The following SPOCK1 variants were observed in gnomAD, a reference collection of about 807,000 sequenced individuals.
SPOCK1 encodes the protein testican-1.
In SPOCK1, 23 loss-of-function variants were observed where a neutral mutation model predicts 55.3. That is an observed-to-expected ratio of 0.42 (90% confidence interval 0.30 to 0.59). The LOEUF is 0.59. SPOCK1 is among the 20% of genes least tolerant of loss of function. The pLI is 0.22. For missense variants in SPOCK1, 499 were observed against 552.5 expected (o/e 0.90, Z 0.97); for synonymous variants, 226 against 221.0 (o/e 1.02, Z -0.20).
intron 3 of SPOCK1, among the ~76,000 whole-genome samples, chr5:137,216,352 G>C (rs566859900): frequency 6.6e-6 from 1 of 152,302 alleles, no homozygotes; most frequent in East Asian, 1.9e-4. Context: ...TACTCACCCA[G>C]GGCAGCCATT....
At chr5:137,362,267 C>G (rs975728087) in intron 2 of SPOCK1, among the ~76,000 whole-genome samples, 1 of 151,068 alleles carries the variant, frequency 6.6e-6, no homozygotes, top group Non-Finnish European at 1.5e-5. Flanking sequence ...TAGATAATGA[C>G]AATAATTGTA....
chr5:137,193,963 G>C (rs1286807052), intron 3 of SPOCK1, among the ~76,000 whole-genome samples: 1 of 152,080 alleles, frequency 6.6e-6, no homozygotes, highest in Non-Finnish European at 1.5e-5. Flanking sequence ...GAGATGACGT[G>C]GCAATCATGT....
intron 3 of SPOCK1, among the ~76,000 whole-genome samples, chr5:137,189,724 T>C (rs1043933916): frequency 6.6e-6 from 1 of 152,202 alleles, no homozygotes; most frequent in African/African-American, 2.4e-5. Flanking sequence ...TTAAGAAATA[T>C]ATTTCATAAG....
chr5:137,309,734 C>G (rs1327250687), intron 2 of SPOCK1, among the ~76,000 whole-genome samples: 1 of 151,862 alleles, frequency 6.6e-6, no homozygotes, highest in Non-Finnish European at 1.5e-5. Flanking sequence ...TCGCTGAGCT[C>G]TAAGTTAAGG....
intron 2 of SPOCK1, among the ~76,000 whole-genome samples, chr5:137,373,732 T>C (rs1313765232): frequency 2.0e-5 from 3 of 152,126 alleles, no homozygotes; most frequent in African/African-American, 7.2e-5. Flanking sequence ...TCTCATCCCA[T>C]CCTTTCAGGA....
At chr5:137,164,080 C>T (rs950062442) in intron 3 of SPOCK1, among the ~76,000 whole-genome samples, 1 of 152,148 alleles carries the variant, frequency 6.6e-6, no homozygotes, top group South Asian at 2.1e-4. Context: ...TTGAGCACTA[C>T]CAGGCAAGAC....
Position 137,112,521 on chromosome 5 carries a change from G to T in SPOCK1, c.388C>A (p.Pro130Thr). Reference protein sequence around the residue: ...GNVAQKHWVGPSNLVKCKPCP... With the variant: ...GNVAQKHWVGTSNLVKCKPCP... ...GGCTTGCACTTGACCAAATTCGAAG[G>T]TCCAACCCAGTGTTTCTGGGCCACG... The change falls in exon 5 of 11, where the codon CCT becomes ACT. Residue 130 changes from proline (P) to threonine (T), a missense_variant. Pro to Thr is a conservative substitution (Grantham distance 38). Coordinates refer to ENST00000394945, the MANE Select transcript of SPOCK1 (RefSeq NM_004598.4). 6.2e-7 allele frequency: 1 copy of T among 1,613,702 alleles called. No homozygotes were observed. Among genetic ancestry groups the T allele is most frequent in the Non-Finnish European group, 8.5e-7 (1 of 1,179,988 alleles).
At chr5:137,322,926 A>C (rs1002974604) in intron 2 of SPOCK1, among the ~76,000 whole-genome samples, 2 of 152,192 alleles carry the variant, frequency 1.3e-5, no homozygotes, top group Admixed American at 6.5e-5. Context: ...ATAACGTGGT[A>C]AAAGGAATCA....
At chr5:137,222,129 C>T (rs879818945) in intron 3 of SPOCK1, among the ~76,000 whole-genome samples, 16 of 152,168 alleles carry the variant, frequency 1.1e-4, no homozygotes, top group African/African-American at 2.7e-4. Flanking sequence ...CACATACATA[C>T]GCCATCAGGA....
intron 2 of SPOCK1, among the ~76,000 whole-genome samples, chr5:137,275,380 C>T (rs1030883232): frequency 2.6e-5 from 4 of 152,186 alleles, no homozygotes; most frequent in African/African-American, 9.7e-5. Flanking sequence ...CCTCACCATC[C>T]CTCCCCACTT....
In SPOCK1 at chr5:137,024,609, T is replaced by TAAA. The variant is rs199966891; in HGVS notation, c.590-32012_590-32010dup. Among the ~76,000 whole-genome samples the TAAA allele has an allele frequency of 2.3e-4, 31 of 132,598 alleles. 1 individual carries two copies. The highest frequency in any genetic ancestry group is 7.8e-3 in the Middle Eastern group (2 of 256). The allele number at this position is 132,598 out of a possible 152,430, so 87.0% of individuals were successfully genotyped here. On this transcript the variant is annotated intron_variant, in intron 6 of 10. Transcript: ENST00000394945. ...ACTAGGAAGGGAGCCATCTGACATG[T>TAAA]AAAAAAAAAAAAAAAGTAGAAGAAC... is the stretch of plus-strand genomic sequence containing the variant.
chr5:137,461,819 C>A (rs1753495654), intron 2 of SPOCK1, among the ~76,000 whole-genome samples: 1 of 152,174 alleles, frequency 6.6e-6, no homozygotes, highest in Non-Finnish European at 1.5e-5. Context: ...CTTCCAGCAA[C>A]CCTCTCTATG....
intron 4 of SPOCK1, among the ~76,000 whole-genome samples, chr5:137,123,885 G>A (rs939511070): frequency 6.6e-6 from 1 of 151,994 alleles, no homozygotes; most frequent in Non-Finnish European, 1.5e-5. Flanking sequence ...CACAAAAATG[G>A]AATCAAAGAA....
intron 5 of SPOCK1, among the ~76,000 whole-genome samples, chr5:137,079,533 T>TCCGCAC (rs766268018): frequency 2.3e-4 from 9 of 38,666 alleles, no homozygotes; most frequent in African/African-American, 2.9e-4. Flanking sequence ...CCCATCTGAT[T>TCCGCAC]CCCCCCCCCC....
At chr5:137,063,395 T>C (rs1476949954) in intron 6 of SPOCK1, among the ~76,000 whole-genome samples, 2 of 150,122 alleles carry the variant, frequency 1.3e-5, no homozygotes, top group East Asian at 3.9e-4. Context: ...AAATCTTGGC[T>C]TTGACTTCTG....
At chr5:137,404,237 C>A (rs1432344976) in intron 2 of SPOCK1, among the ~76,000 whole-genome samples, 1 of 152,126 alleles carries the variant, frequency 6.6e-6, no homozygotes, top group African/African-American at 2.4e-5. Flanking sequence ...ACACCAGCCC[C>A]GTCAGAAGGG....
chr5:137,329,263 A>C (rs1758129787), intron 2 of SPOCK1, among the ~76,000 whole-genome samples: 1 of 152,064 alleles, frequency 6.6e-6, no homozygotes, highest in Non-Finnish European at 1.5e-5. Context: ...CCTTGAGCCT[A>C]CCAAATCTTA....
intron 3 of SPOCK1, among the ~76,000 whole-genome samples, chr5:137,157,406 T>C (rs1740721835): frequency 6.6e-6 from 1 of 152,222 alleles, no homozygotes; most frequent in African/African-American, 2.4e-5. Context: ...GAGTAATTAA[T>C]TTAGCAATCC....
intron 6 of SPOCK1, among the ~76,000 whole-genome samples, chr5:137,040,019 G>T (rs1329342745): frequency 6.6e-6 from 1 of 152,226 alleles, no homozygotes; most frequent in Non-Finnish European, 1.5e-5. Context: ...GAGCTTCTCT[G>T]AAGGTTAATG....
Sources: allele counts gnomAD v4.1 joint callset (sites outside exome capture counted in the v4.1 genomes callset), GRCh38; gene constraint gnomAD v4.1.1; transcripts MANE v1.5; gene names NCBI Gene and HGNC (gene_info 2026-07-23, HGNC 2026-07-21).